Variants in CALN1 observed in about 807,000 individuals in gnomAD.
CALN1 encodes the protein calcium-binding protein 8.
CALN1 carries 17 observed loss-of-function variants against 30.6 expected under a neutral mutation model. That is an observed-to-expected ratio of 0.56 (90% confidence interval 0.38 to 0.83). CALN1 has a LOEUF of 0.83. Ranked by LOEUF, CALN1 falls within the 40% of genes least tolerant of loss-of-function variation. CALN1 has a pLI of 0.00. For missense variants in CALN1, 291 were observed against 354.9 expected (o/e 0.82, Z 1.45); for synonymous variants, 156 against 131.4 (o/e 1.19, Z -1.28).
intron 3 of CALN1, among the ~76,000 whole-genome samples, chr7:72,221,312 CTTT>C (rs1174615183): frequency 0.012 from 1,072 of 88,972 alleles, 17 homozygotes; most frequent in African/African-American, 0.042. Flanking sequence ...GTCTTGGCTT[CTTT>C]TTTTTTTTTT....
At chr7:72,087,933 C>T (rs753731163) in intron 4 of CALN1, among the ~76,000 whole-genome samples, 1 of 152,134 alleles carries the variant, frequency 6.6e-6, no homozygotes, top group South Asian at 2.1e-4. Context: ...GAAGCAGAGA[C>T]AGGAGGATCA....
At chr7:72,366,143 T>C (rs1338960391) in intron 2 of CALN1, among the ~76,000 whole-genome samples, 1 of 131,036 alleles carries the variant, frequency 7.6e-6, no homozygotes, top group Admixed American at 7.6e-5. Flanking sequence ...TACTATTTTT[T>C]ATCTTTTTTA....
intron 3 of CALN1, among the ~76,000 whole-genome samples, chr7:72,256,222 G>T (rs1795902801): frequency 6.6e-6 from 1 of 152,138 alleles, no homozygotes; most frequent in Non-Finnish European, 1.5e-5. Flanking sequence ...TGTTTAGGAG[G>T]CCTACGTGGG....
intron 4 of CALN1, among the ~76,000 whole-genome samples, chr7:72,079,761 C>CTT (rs3065015): frequency 0.013 from 1,373 of 104,008 alleles, 85 homozygotes; most frequent in African/African-American, 0.035. Flanking sequence ...TGCCTTTTTC[C>CTT]TTTTTTTTTT....
chr7:72,357,869 T>TG (rs1240650459), intron 2 of CALN1, among the ~76,000 whole-genome samples: 2 of 147,786 alleles, frequency 1.4e-5, no homozygotes, highest in East Asian at 2.0e-4. Flanking sequence ...TATATGTGTG[T>TG]TTTTTTTTAG....
intron 5 of CALN1, among the ~76,000 whole-genome samples, chr7:71,917,179 C>T (rs376581296): frequency 7.2e-5 from 11 of 152,192 alleles, no homozygotes; most frequent in African/African-American, 2.4e-4. Flanking sequence ...GGAATTGTCT[C>T]ATGGCCCATT....
intron 2 of CALN1, among the ~76,000 whole-genome samples, chr7:72,385,285 C>A (rs1292002114): frequency 6.6e-6 from 1 of 152,174 alleles, no homozygotes; most frequent in Non-Finnish European, 1.5e-5. Flanking sequence ...ATTCAGCAAA[C>A]AGGGTCTCAG....
At chr7:72,281,548 C>T (rs573290559) in intron 2 of CALN1, among the ~76,000 whole-genome samples, 1 of 152,150 alleles carries the variant, frequency 6.6e-6, no homozygotes, top group Non-Finnish European at 1.5e-5. Context: ...AATTTGTTAG[C>T]TAAGCCTCAC....
intron 2 of CALN1, among the ~76,000 whole-genome samples, chr7:72,338,206 A>AC (rs1193467705): frequency 6.6e-6 from 1 of 152,116 alleles, no homozygotes; most frequent in Non-Finnish European, 1.5e-5. Context: ...ACCTGGCCAA[A>AC]GCAGGCTAGT....
chr7:71,896,872 G>C (rs1369630242), intron 5 of CALN1, among the ~76,000 whole-genome samples: 1 of 152,198 alleles, frequency 6.6e-6, no homozygotes, highest in Non-Finnish European at 1.5e-5. Context: ...AGAATGGCGA[G>C]ATTCCTGGGA....
intron 5 of CALN1, among the ~76,000 whole-genome samples, chr7:71,993,147 C>T (rs1221430402): frequency 6.6e-6 from 1 of 152,072 alleles, no homozygotes; most frequent in Non-Finnish European, 1.5e-5. Flanking sequence ...TGAGGATGTA[C>T]TTCCTACAGG....
intron 3 of CALN1, among the ~76,000 whole-genome samples, chr7:72,264,648 G>A (rs1391628168): frequency 6.6e-6 from 1 of 152,104 alleles, no homozygotes; most frequent in African/African-American, 2.4e-5. Context: ...CCACAGGTGT[G>A]CAAGCACCAC....
intron 3 of CALN1, among the ~76,000 whole-genome samples, chr7:72,229,141 C>T (rs1292311297): frequency 1.3e-5 from 2 of 151,866 alleles, no homozygotes; most frequent in Non-Finnish European, 2.9e-5. Flanking sequence ...GGAAGAAAAG[C>T]TGGGTGCTGT....
intron 3 of CALN1, among the ~76,000 whole-genome samples, chr7:72,234,825 G>A (rs1473196483): frequency 6.6e-6 from 1 of 152,204 alleles, no homozygotes; most frequent in African/African-American, 2.4e-5. Context: ...TTCTCCAGAT[G>A]CTGGATCTCG....
At chr7:72,368,808 C>G (rs1049927404) in intron 2 of CALN1, among the ~76,000 whole-genome samples, 3 of 145,224 alleles carry the variant, frequency 2.1e-5, no homozygotes, top group Non-Finnish European at 4.5e-5. Context: ...GGTTTGAAAC[C>G]CTTTTTTTTT....
chr7:71,948,005 G>T (rs549327705), intron 5 of CALN1, among the ~76,000 whole-genome samples: 1 of 152,118 alleles, frequency 6.6e-6, no homozygotes, highest in Admixed American at 6.5e-5. Context: ...TATGTAGGAA[G>T]ATCCACAGAG....
intron 5 of CALN1, among the ~76,000 whole-genome samples, chr7:71,864,424 T>C (rs1466897555): frequency 6.6e-6 from 1 of 152,130 alleles, no homozygotes; most frequent in Non-Finnish European, 1.5e-5. Context: ...GGGCAGCCTG[T>C]AAGAGCTAAG....
intron 3 of CALN1, among the ~76,000 whole-genome samples, chr7:72,260,526 T>C (rs1000154946): frequency 9.2e-5 from 14 of 152,332 alleles, no homozygotes; most frequent in South Asian, 8.3e-4. Context: ...ACTTGCATAC[T>C]GAGGATCTTC....
chr7:72,341,098 G>A (rs1351091141), intron 2 of CALN1, among the ~76,000 whole-genome samples: 1 of 152,216 alleles, frequency 6.6e-6, no homozygotes, highest in Non-Finnish European at 1.5e-5. Context: ...CAGATGAACA[G>A]AGTTGACAGG....
Sources: allele counts gnomAD v4.1 joint callset (sites outside exome capture counted in the v4.1 genomes callset), GRCh38; gene constraint gnomAD v4.1.1; transcripts MANE v1.5; gene names NCBI Gene and HGNC (gene_info 2026-07-23, HGNC 2026-07-21).